LSM3: variants seen among roughly 807,000 people sequenced by gnomAD.
LSM3 encodes the protein LSM3 homolog, U6 small nuclear RNA and mRNA degradation associated, also known as U6 snRNA-associated Sm-like protein LSm3.
In LSM3, 14 loss-of-function variants were observed where a neutral mutation model predicts 15.4. The ratio of observed to expected loss-of-function variants is 0.91; its 90% CI spans 0.60 to 1.42. The LOEUF (loss-of-function observed/expected upper bound fraction) is 1.42, where lower values mean the gene tolerates loss of function less well. LSM3 is among the 40% of genes most tolerant of loss of function. The pLI is 0.00. For missense variants in LSM3, 88 were observed against 127.9 expected (o/e 0.69, Z 1.50); for synonymous variants, 46 against 45.1 (o/e 1.02, Z -0.08).
chr3:14,184,495 C>CT (rs1697068838), intron 3 of LSM3, among the ~76,000 whole-genome samples: 1 of 152,094 alleles, frequency 6.6e-6, no homozygotes, highest in Non-Finnish European at 1.5e-5. Flanking sequence ...TGGCTCACGC[C>CT]TGTAATCCCA....
intron 3 of LSM3, among the ~76,000 whole-genome samples, chr3:14,195,705 T>C (rs1418029039): frequency 2.6e-5 from 4 of 152,220 alleles, no homozygotes; most frequent in Non-Finnish European, 5.9e-5. Flanking sequence ...GCCCCCTCCT[T>C]GGTGACTGTA....
Position 14,178,959 on chromosome 3 carries a change from A to C in LSM3, c.21+78A>C, listed in dbSNP as rs1224407106. ...TTTTCCAGACTCAGGAAAAATGGCC[A>C]GTCGTGCCTCCTCTCTCCAAGTCAC... is the stretch of plus-strand genomic sequence containing the variant. On this transcript the variant is annotated intron_variant, in intron 1 of 3. Coordinates refer to ENST00000306024, the MANE Select transcript of LSM3 (RefSeq NM_014463.3). The C allele has an allele frequency of 2.7e-6, 4 of 1,481,604 alleles. No individual in the cohort carries two copies. The African/African-American group carries it at 5.5e-5, about 20-fold the overall frequency. 91.8% of individuals were successfully genotyped at this position (1,481,604 alleles called of 1,614,324 possible).
At chr3:14,192,883 A>G (rs1697153371) in intron 3 of LSM3, among the ~76,000 whole-genome samples, 1 of 152,158 alleles carries the variant, frequency 6.6e-6, no homozygotes, top group African/African-American at 2.4e-5. Flanking sequence ...AATGTTATTT[A>G]CAATGTGGTA....
chr3:14,183,110 T>A (rs1697055374), intron 2 of LSM3, among the ~76,000 whole-genome samples: 1 of 152,254 alleles, frequency 6.6e-6, no homozygotes, highest in African/African-American at 2.4e-5. Flanking sequence ...TGATGGTCTC[T>A]ATCCTAAATG....
chr3:14,195,245 G>A (rs1697178044), intron 3 of LSM3, among the ~76,000 whole-genome samples: 1 of 152,132 alleles, frequency 6.6e-6, no homozygotes, highest in Admixed American at 6.6e-5. Context: ...AATCAGCCTG[G>A]AGGTACTACA....
At chr3:14,181,749 G>C (rs1574987095) in intron 2 of LSM3, 79 bp downstream of exon 2, 1 of 1,014,932 alleles carries the variant, frequency 9.9e-7, no homozygotes, top group African/African-American at 1.6e-5. Flanking sequence ...CCTGTCCAGA[G>C]TGAAAGGGTA....
Position 14,181,483 on chromosome 3 carries a change from T to C in LSM3, c.22-77T>C, listed in dbSNP as rs1697037967. 4.4e-6 allele frequency: 4 copies of C among 904,120 alleles called. No homozygotes were observed. The Admixed American group carries it at 8.2e-5, about 19-fold the overall frequency. The allele number at this position is 904,120 out of a possible 1,614,324, so 56.0% of individuals were successfully genotyped here. On this transcript the variant is annotated intron_variant, in intron 1 of 3. Transcript: ENST00000306024. The stretch of plus-strand genomic sequence containing the variant: ...AGAAAAAGGTTAAATAACTTGCCCA[T>C]GGTCACACAGCATAGCAGTGATTTA...
At chr3:14,180,203 C>A (rs1014021226) in intron 1 of LSM3, among the ~76,000 whole-genome samples, 99 of 152,270 alleles carry the variant, frequency 6.5e-4, no homozygotes, top group African/African-American at 2.3e-3. Flanking sequence ...CCCAAGTCAT[C>A]CTAGCCCTGA....
chr3:14,186,095 A>G (rs1697086164), intron 3 of LSM3, among the ~76,000 whole-genome samples: 1 of 152,134 alleles, frequency 6.6e-6, no homozygotes, highest in Admixed American at 6.5e-5. Context: ...TGTTTTTAGT[A>G]AAGACAGGTT....
intron 1 of LSM3, among the ~76,000 whole-genome samples, chr3:14,180,274 T>G (rs1559389786): frequency 1.3e-5 from 2 of 152,192 alleles, no homozygotes; most frequent in East Asian, 3.9e-4. Flanking sequence ...GAATCTTTTC[T>G]TTTCCTTTTT....
At chr3:14,179,305 A>G (rs1696985912) in intron 1 of LSM3, among the ~76,000 whole-genome samples, 1 of 152,218 alleles carries the variant, frequency 6.6e-6, no homozygotes, top group Admixed American at 6.5e-5. Context: ...CATATAAGAG[A>G]TCCTTGCCAT....
chr3:14,182,336 C>G (rs1697047458), intron 2 of LSM3, among the ~76,000 whole-genome samples: 1 of 151,594 alleles, frequency 6.6e-6, no homozygotes, highest in South Asian at 2.1e-4. Flanking sequence ...TTTTTCAGTA[C>G]CTTTTTTTTT....
In LSM3 at chr3:14,198,046, G is replaced by T. The variant is rs1484487436; in HGVS notation, c.239G>T (p.Arg80Leu). Residue 80 changes from arginine (R) to leucine (L), a missense_variant, in exon 4 of 4, where the codon CGG (arginine) becomes CTG (leucine). Coordinates refer to ENST00000306024, the MANE Select transcript of LSM3 (RefSeq NM_014463.3). The part of the protein sequence containing the change: ...TYEEIYKSTK[R>L]NIPMLFVRGD... ...TTTTTTCTCTTCTAGTCAACGAAAC[G>T]GAATATTCCAATGCTCTTTGTCCGG... 2 of 1,613,280 alleles carry T rather than the reference G, an allele frequency of 1.2e-6. No individual in the cohort carries two copies. Among genetic ancestry groups the T allele is most frequent in the Non-Finnish European group, 1.7e-6 (2 of 1,179,508 alleles).
At position 14,184,008 on chromosome 3, in the gene LSM3, A is replaced by G; in HGVS notation, c.204A>G (p.Glu68=). ...EETVTTIEID[E]ETYEEIYKST... is the part of the protein sequence containing the mutation. The stretch of plus-strand genomic sequence containing the variant: ...CTGTGACTACTATAGAAATTGATGA[A>G]GAAACATATGAAGAGATATATAAAG... The change falls in exon 3 of 4, where the codon GAA becomes GAG. Residue 68 remains glutamate, a synonymous_variant. Coordinates refer to ENST00000306024, the MANE Select transcript of LSM3 (RefSeq NM_014463.3). 6.2e-7 allele frequency: 1 copy of G among 1,609,462 alleles called. No homozygotes were observed. The highest frequency in any genetic ancestry group is 8.5e-7 in the Non-Finnish European group (1 of 1,179,046).
intron 3 of LSM3, among the ~76,000 whole-genome samples, chr3:14,193,831 GT>G (rs1445883762): frequency 2.6e-5 from 4 of 152,180 alleles, no homozygotes; most frequent in African/African-American, 7.2e-5. Flanking sequence ...CTGGCGAGGA[GT>G]TGTGATCCTT....
intron 3 of LSM3, among the ~76,000 whole-genome samples, chr3:14,188,785 T>A (rs1030185509): frequency 2.6e-5 from 4 of 152,220 alleles, no homozygotes; most frequent in African/African-American, 9.6e-5. Context: ...AAACCTATTC[T>A]GCTGTAAATA....
chr3:14,182,148 A>C (rs1697045333), intron 2 of LSM3, among the ~76,000 whole-genome samples: 1 of 152,164 alleles, frequency 6.6e-6, no homozygotes, highest in Non-Finnish European at 1.5e-5. Flanking sequence ...TGAGGCCAGG[A>C]GTTCTCTGTG....
chr3:14,189,708 C>T (rs1697121305), intron 3 of LSM3, among the ~76,000 whole-genome samples: 1 of 151,994 alleles, frequency 6.6e-6, no homozygotes, highest in South Asian at 2.1e-4. Flanking sequence ...AGCCTTTTGT[C>T]AGATGGATGG....
At chr3:14,181,353 T>C (rs771389422) in intron 1 of LSM3, among the ~76,000 whole-genome samples, 2 of 152,242 alleles carry the variant, frequency 1.3e-5, no homozygotes, top group East Asian at 1.9e-4. Context: ...GCACGTATTA[T>C]GTGAAAAGCT....
Sources: allele counts gnomAD v4.1 joint callset (sites outside exome capture counted in the v4.1 genomes callset), GRCh38; gene constraint gnomAD v4.1.1; transcripts MANE v1.5; gene names NCBI Gene and HGNC (gene_info 2026-07-23, HGNC 2026-07-21).